GALNT6: variants seen among roughly 807,000 people sequenced by gnomAD.
The protein encoded by GALNT6 is polypeptide N-acetylgalactosaminyltransferase 6.
Under a neutral mutation model 65.9 loss-of-function variants are expected in GALNT6, and 51 were observed. The ratio of observed to expected loss-of-function variants is 0.77; its 90% CI spans 0.62 to 0.98. The LOEUF is 0.98. Among genes scored for constraint, GALNT6 ranks in the 50% least tolerant of loss-of-function variants. GALNT6 has a pLI of 0.00. For missense variants in GALNT6, 708 were observed against 803.3 expected, an observed-to-expected ratio of 0.88 and a Z score of 1.43; for synonymous variants, 323 against 315.1, an observed-to-expected ratio of 1.02 and a Z score of -0.26.
chr12:51,370,670 G>C (rs1044192389), intron 4 of GALNT6, among the ~76,000 whole-genome samples: 1 of 152,170 alleles, frequency 6.6e-6, no homozygotes, highest in Admixed American at 6.5e-5. Context: ...AAAGTAGAAG[G>C]GTGGTTGCCA....
chr12:51,371,123 G>A (rs980117827), intron 4 of GALNT6, among the ~76,000 whole-genome samples: 10 of 150,722 alleles, frequency 6.6e-5, no homozygotes, highest in Admixed American at 4.6e-4. Flanking sequence ...TGCTCTTGTC[G>A]CCCAGGCTGG....
Position 51,358,263 on chromosome 12 carries a change from T to G in GALNT6, c.1369-2A>C, listed in dbSNP as rs767766092. 6.2e-7 allele frequency: 1 copy of G among 1,613,512 alleles called. No homozygotes were observed. The highest frequency in any genetic ancestry group is 1.1e-5 in the South Asian group (1 of 91,048). ...TTCCGAAATGTCACCGAAGGATTTC[T>G]GTCAATCAAGCCAGCCCCCTAAGGA... On this transcript the variant is annotated splice_acceptor_variant, in intron 8 of 11. Coordinates refer to ENST00000356317, the MANE Select transcript of GALNT6 (RefSeq NM_007210.4). LOFTEE classifies it high-confidence loss of function.
At chr12:51,360,086 T>C (rs915925337) in intron 7 of GALNT6, 3 of 152,246 alleles carry the variant, frequency 2.0e-5, no homozygotes, top group African/African-American at 7.2e-5. Context: ...CTCATCTACT[T>C]ACTAATTACT....
intron 2 of GALNT6, among the ~76,000 whole-genome samples, chr12:51,389,677 G>A (rs1027166030): frequency 6.6e-6 from 1 of 152,178 alleles, no homozygotes; most frequent in African/African-American, 2.4e-5. Flanking sequence ...GCACTGAGAG[G>A]CCCTCAGCCC....
At chr12:51,366,907 C>G (rs1947125922) in intron 4 of GALNT6, among the ~76,000 whole-genome samples, 1 of 152,184 alleles carries the variant, frequency 6.6e-6, no homozygotes, top group African/African-American at 2.4e-5. Context: ...GCAGATGGAT[C>G]ACTTGAGCCA....
At chr12:51,372,014 C>A (rs1245974695) in intron 4 of GALNT6, among the ~76,000 whole-genome samples, 1 of 152,120 alleles carries the variant, frequency 6.6e-6, no homozygotes, top group Non-Finnish European at 1.5e-5. Flanking sequence ...TAAAGTATCT[C>A]TAGCGTCTGA....
At chr12:51,362,844 T>C (rs1385668061) in intron 6 of GALNT6, among the ~76,000 whole-genome samples, 1 of 143,586 alleles carries the variant, frequency 7.0e-6, no homozygotes, top group African/African-American at 2.6e-5. Context: ...CTACTGGGAC[T>C]CTGAGCAGGT....
intron 3 of GALNT6, among the ~76,000 whole-genome samples, chr12:51,377,616 C>A (rs1040077467): frequency 7.2e-5 from 11 of 152,122 alleles, no homozygotes; most frequent in Non-Finnish European, 1.6e-4. Flanking sequence ...GGCTCAGTGC[C>A]CCAGCTGTGA....
At position 51,354,400 on chromosome 12, in the gene GALNT6, A is replaced by G; in HGVS notation, c.1848T>C (p.His616=). The change falls in exon 12 of 12, where the codon CAT becomes CAC. Residue 616 remains histidine, a synonymous_variant. Transcript: ENST00000356317. ...AMAPCNPSDP[H]QLWLFV is the part of the protein sequence containing the mutation. ...GGTCCTAGACAAAGAGCCACAACTG[A>G]TGGGGGTCACTGGGATTGCAGGGGG... The G allele has an allele frequency of 6.4e-7, 1 of 1,572,160 alleles. No homozygotes were observed.
intron 4 of GALNT6, among the ~76,000 whole-genome samples, chr12:51,366,844 C>T (rs567102012): frequency 1.3e-5 from 2 of 152,202 alleles, no homozygotes; most frequent in South Asian, 2.1e-4. Flanking sequence ...TAGCTCTATT[C>T]TGGCTGGGCA....
intron 2 of GALNT6, among the ~76,000 whole-genome samples, chr12:51,388,629 T>TC (rs750109495): frequency 3.5e-4 from 53 of 152,280 alleles, no homozygotes; most frequent in Admixed American, 6.5e-4. Context: ...ACGTGGGATT[T>TC]CCCCACTAAC....
chr12:51,363,389 T>G (rs1328311056), intron 6 of GALNT6, among the ~76,000 whole-genome samples: 2 of 152,336 alleles, frequency 1.3e-5, no homozygotes, highest in East Asian at 3.9e-4. Context: ...GCTCAGGGGC[T>G]GGCACACAAG....
At chr12:51,389,398 G>C (rs1309891229) in intron 2 of GALNT6, among the ~76,000 whole-genome samples, 1 of 152,212 alleles carries the variant, frequency 6.6e-6, no homozygotes, top group Non-Finnish European at 1.5e-5. Context: ...GGGAGGTCAA[G>C]TAACTTGACC....
intron 2 of GALNT6, chr12:51,382,186 C>T (rs1457358820): frequency 6.6e-6 from 1 of 152,174 alleles, no homozygotes; most frequent in Non-Finnish European, 1.5e-5. Flanking sequence ...GTTTATTCCA[C>T]CAGTATTTAC....
At chr12:51,363,790 A>G (rs146996389) in intron 6 of GALNT6, among the ~76,000 whole-genome samples, 5 of 152,312 alleles carry the variant, frequency 3.3e-5, no homozygotes, top group South Asian at 2.1e-4. Context: ...TAAAGAATGT[A>G]TAGCCCTTAG....
At chr12:51,369,796 C>T (rs1170017563) in intron 4 of GALNT6, among the ~76,000 whole-genome samples, 2 of 152,150 alleles carry the variant, frequency 1.3e-5, no homozygotes, top group Non-Finnish European at 2.9e-5. Flanking sequence ...CCTGCTGTCC[C>T]CTTCCACAAT....
At chr12:51,369,374 C>A (rs1279707816) in intron 4 of GALNT6, among the ~76,000 whole-genome samples, 1 of 152,200 alleles carries the variant, frequency 6.6e-6, no homozygotes, top group Non-Finnish European at 1.5e-5. Context: ...GTTCCACCCC[C>A]AGACCTACTG....
Position 51,379,901 on chromosome 12 carries a change from CAA to C in GALNT6, c.-103-19_-103-18del. The C allele has an allele frequency of 4.6e-6, 5 of 1,077,664 alleles. No homozygotes were observed. Among genetic ancestry groups the C allele is most frequent in the Non-Finnish European group, 5.2e-6 (4 of 770,358 alleles). 66.8% of individuals were successfully genotyped at this position (1,077,664 alleles called of 1,614,324 possible). On this transcript the variant is annotated intron_variant, in intron 2 of 11. Coordinates refer to ENST00000356317, the MANE Select transcript of GALNT6 (RefSeq NM_007210.4). ...GGCCTCAGCCTGAGAAAGGAGGGGA[CAA>C]GAGAGAGAAGTGAGCCAACACAGGG...
At position 51,379,405 on chromosome 12, in the gene GALNT6, G is replaced by T. The variant is rs1365889013; in HGVS notation, c.377C>A (p.Thr126Asn). The change falls in exon 3 of 12, where the codon ACC becomes AAC. Residue 126 changes from threonine to asparagine, a missense_variant. Transcript: ENST00000356317. ...TTCCTTTTCCTGGGTCTCCAGGGGGGTCCACTTGCTCTTCTGAAATGCTTT... is the reference window on the plus strand; with the variant it reads ...TTCCTTTTCCTGGGTCTCCAGGGGGTTCCACTTGCTCTTCTGAAATGCTTT... ...DGKAFQKSKW[T>N]PLETQEKEEG... 1 of 1,607,602 alleles carries T rather than the reference G, an allele frequency of 6.2e-7. No individual in the cohort carries two copies. Among genetic ancestry groups the T allele is most frequent in the Admixed American group, 1.7e-5 (1 of 58,724 alleles).
Sources: allele counts gnomAD v4.1 joint callset (sites outside exome capture counted in the v4.1 genomes callset), GRCh38; gene constraint gnomAD v4.1.1; transcripts MANE v1.5; gene names NCBI Gene and HGNC (gene_info 2026-07-23, HGNC 2026-07-21).